The following SULT2A1 variants were observed in gnomAD, a reference collection of about 807,000 sequenced individuals.
The protein encoded by SULT2A1 is sulfotransferase 2A1.
In SULT2A1, 43 loss-of-function variants were observed where a neutral mutation model predicts 33.9. That is an observed-to-expected ratio of 1.27 (90% confidence interval 1.00 to 1.64). SULT2A1 has a LOEUF of 1.64. Ranked by LOEUF, SULT2A1 falls within the 40% of genes most tolerant of loss-of-function variation. The pLI, the probability that SULT2A1 is intolerant of heterozygous loss-of-function variation, is 0.00. For missense variants in SULT2A1, 300 were observed against 335.1 expected, an observed-to-expected ratio of 0.90 and a Z score of 0.82; for synonymous variants, 125 against 113.6, an observed-to-expected ratio of 1.10 and a Z score of -0.64.
chr19:47,883,156 A>G (rs1369869660), intron 2 of SULT2A1, among the ~76,000 whole-genome samples: 1 of 152,050 alleles, frequency 6.6e-6, no homozygotes, highest in East Asian at 1.9e-4. Flanking sequence ...ACAGGCATTG[A>G]TTGATGAACA....
intron 4 of SULT2A1, among the ~76,000 whole-genome samples, chr19:47,877,809 C>T (rs989163449): frequency 6.6e-6 from 1 of 152,202 alleles, no homozygotes; most frequent in Admixed American, 6.5e-5. Flanking sequence ...CCTTCACCTC[C>T]CCAGTGCTGG....
intron 2 of SULT2A1, among the ~76,000 whole-genome samples, chr19:47,883,098 G>C (rs939805487): frequency 5.9e-5 from 9 of 152,118 alleles, no homozygotes; most frequent in African/African-American, 2.2e-4. Context: ...ACAGTAAGAC[G>C]AAGTGTGTAC....
chr19:47,880,032 C>A (rs8108674), intron 3 of SULT2A1, among the ~76,000 whole-genome samples: 1 of 151,248 alleles, frequency 6.6e-6, no homozygotes, highest in Non-Finnish European at 1.5e-5. Context: ...GTCAGGAGAT[C>A]GAGACCATCC....
chr19:47,882,063 C>T (rs1363843434), intron 3 of SULT2A1, 21 bp downstream of exon 3: 6 of 1,612,538 alleles, frequency 3.7e-6, no homozygotes, highest in Non-Finnish European at 2.5e-6. Flanking sequence ...CAAGCACCCC[C>T]ATATTTTGTG....
intron 4 of SULT2A1, among the ~76,000 whole-genome samples, chr19:47,878,761 C>A (rs1968572875): frequency 1.3e-5 from 2 of 152,010 alleles, no homozygotes; most frequent in South Asian, 4.2e-4. Context: ...GTGATCCACC[C>A]ACCTCGGCCT....
intron 2 of SULT2A1, 34 bp downstream of exon 2, chr19:47,883,543 C>G (rs3936308): frequency 1.2e-6 from 2 of 1,600,394 alleles, no homozygotes; most frequent in Non-Finnish European, 1.7e-6. Context: ...TTGAAAGGCA[C>G]TGATCAAACA....
intron 3 of SULT2A1, 44 bp downstream of exon 3, chr19:47,882,040 G>C (rs769579761): frequency 1.2e-6 from 2 of 1,605,880 alleles, no homozygotes; most frequent in Non-Finnish European, 1.7e-6. Flanking sequence ...AAAAGAGGTC[G>C]GCTAGAAGAC....
In SULT2A1 at chr19:47,883,759, A is replaced by G; in HGVS notation, c.163T>C (p.Cys55Arg). Reference protein sequence around the residue: ...SGTNWLAEILCLMHSKGDAKW... With the variant: ...SGTNWLAEILRLMHSKGDAKW... ...GCATCCCCCTTGGAGTGCATCAGGC[A>G]GAGAATCTCAGCCAACCAGTTTGTT... Residue 55 changes from cysteine to arginine, a missense_variant, in exon 2 of 6, where the codon TGC becomes CGC. Cys to Arg is a radical substitution (Grantham distance 180). Coordinates refer to ENST00000222002, the MANE Select transcript of SULT2A1 (RefSeq NM_003167.4). 6.2e-7 allele frequency: 1 copy of G among 1,614,126 alleles called. No homozygotes were observed. The highest frequency in any genetic ancestry group is 1.7e-4 in the Middle Eastern group (1 of 6,060).
chr19:47,881,514 G>A (rs1029616751), intron 3 of SULT2A1, among the ~76,000 whole-genome samples: 1 of 152,096 alleles, frequency 6.6e-6, no homozygotes. Context: ...AGAGGCATTG[G>A]TGGCTCTCTC....
intron 4 of SULT2A1, among the ~76,000 whole-genome samples, chr19:47,875,795 C>T (rs1471784796): frequency 1.3e-5 from 2 of 152,090 alleles, no homozygotes; most frequent in South Asian, 4.2e-4. Flanking sequence ...AGAGAGGCTT[C>T]TAGACAGTAA....
chr19:47,884,956 C>A (rs552127971), intron 1 of SULT2A1, among the ~76,000 whole-genome samples: 7 of 152,068 alleles, frequency 4.6e-5, no homozygotes, highest in East Asian at 1.9e-4. Context: ...GAACTACAGA[C>A]GTGCGCCACA....
Position 47,883,576 on chromosome 19 carries a change from C to G in SULT2A1, c.345+1G>C. The G allele has an allele frequency of 6.2e-7, 1 of 1,613,938 alleles. No homozygotes were observed. Among genetic ancestry groups the G allele is most frequent in the Non-Finnish European group, 8.5e-7 (1 of 1,179,888 alleles). On this transcript the variant is annotated splice_donor_variant, in intron 2 of 5. Coordinates refer to ENST00000222002, the MANE Select transcript of SULT2A1 (RefSeq NM_003167.4). LOFTEE classifies it high-confidence loss of function. ...ACACGTCTTAACCATTATGCACTGA[C>G]CTTGGCCTTGGAACTGAAGAAAGAC... is the stretch of plus-strand genomic sequence containing the variant.
Position 47,885,635 on chromosome 19 carries a change from G to A in SULT2A1, c.136+487C>T, listed in dbSNP as rs62529829. On this transcript the variant is annotated intron_variant, in intron 1 of 5. Coordinates refer to ENST00000222002, the MANE Select transcript of SULT2A1 (RefSeq NM_003167.4). ...TCACCGCATCCGCAGTGCTCTTACC[G>A]CCCTCCACCCACAGCCCCACTCCCA... is the stretch of plus-strand genomic sequence containing the variant. Among the ~76,000 whole-genome samples, 410 of 151,988 alleles carry A rather than the reference G, an allele frequency of 2.7e-3. 3 individuals are homozygous for A. The highest frequency in any genetic ancestry group is 9.2e-3 in the African/African-American group (382 of 41,468).
intron 3 of SULT2A1, 130 bp downstream of exon 3, chr19:47,881,954 C>T: frequency 1.7e-6 from 2 of 1,195,444 alleles, no homozygotes; most frequent in Non-Finnish European, 2.4e-6. Context: ...GCGAACTTAG[C>T]AGGTTTGGCC....
intron 4 of SULT2A1, 50 bp downstream of exon 4, chr19:47,878,986 A>G (rs1377169889): frequency 8.7e-7 from 1 of 1,151,506 alleles, no homozygotes; most frequent in Non-Finnish European, 1.3e-6. Flanking sequence ...TAAGGAAAGT[A>G]AGGATGGTGG....
intron 4 of SULT2A1, among the ~76,000 whole-genome samples, chr19:47,878,663 C>G (rs936178255): frequency 2.6e-5 from 4 of 151,684 alleles, no homozygotes; most frequent in African/African-American, 9.7e-5. Context: ...ATTACAGGCG[C>G]TCGCCACTGC....
At position 47,883,800 on chromosome 19, in the gene SULT2A1, A is replaced by G. The variant is rs1968626577; in HGVS notation, c.137-15T>C. On this transcript the variant is annotated splice_polypyrimidine_tract_variant and intron_variant, in intron 1 of 5. Transcript: ENST00000222002. ...CCAGTTTGTTCCTGGAAAAAGAAGG[A>G]AAAAAATATATAAAATGTACCATCT... 1.2e-6 allele frequency: 2 copies of G among 1,610,814 alleles called. No homozygotes were observed. The highest frequency in any genetic ancestry group is 2.2e-5 in the East Asian group (1 of 44,818).
chr19:47,881,893 T>C (rs1046856798), intron 3 of SULT2A1, among the ~76,000 whole-genome samples, 191 bp downstream of exon 3: 1 of 151,966 alleles, frequency 6.6e-6, no homozygotes, highest in Non-Finnish European at 1.5e-5. Flanking sequence ...TGGTTTATCA[T>C]GGGGCAAGCT....
chr19:47,871,613 G>T, intron 5 of SULT2A1, 46 bp from the exon 6 acceptor site: 2 of 1,308,398 alleles, frequency 1.5e-6, no homozygotes, highest in Non-Finnish European at 1.1e-6. Flanking sequence ...ACATCTCCTT[G>T]ACCTGTCTCC....
Sources: allele counts gnomAD v4.1 joint callset (sites outside exome capture counted in the v4.1 genomes callset), GRCh38; gene constraint gnomAD v4.1.1; transcripts MANE v1.5; gene names NCBI Gene and HGNC (gene_info 2026-07-23, HGNC 2026-07-21).